The following RTN3 variants were observed in gnomAD, a reference collection of about 807,000 sequenced individuals.
The protein encoded by RTN3 is reticulon 3, also known as reticulon-3.
In RTN3, 49 loss-of-function variants were observed where a neutral mutation model predicts 77.8. The observed-to-expected ratio is 0.63, with a 90% CI of 0.50 to 0.80. RTN3 has a LOEUF of 0.80. Among genes scored for constraint, RTN3 ranks in the 30% least tolerant of loss-of-function variants. RTN3 has a pLI of 0.00. For synonymous variants in RTN3, 464 were observed against 446.9 expected (o/e 1.04, Z -0.48); for missense variants, 1,236 against 1,211.9 (o/e 1.02, Z -0.29).
chr11:63,684,145 T>C (rs1590764970), intron 1 of RTN3, among the ~76,000 whole-genome samples: 1 of 129,984 alleles, frequency 7.7e-6, no homozygotes, highest in Non-Finnish European at 1.7e-5. Context: ...TTTTTTTTTT[T>C]TTTTTTTTTG....
chr11:63,715,882 A>G (rs2011368391), intron 2 of RTN3, among the ~76,000 whole-genome samples: 1 of 152,230 alleles, frequency 6.6e-6, no homozygotes, highest in Non-Finnish European at 1.5e-5. Flanking sequence ...TGTAATCTGT[A>G]GTACTTCACA....
Position 63,719,605 on chromosome 11 carries a change from G to A in RTN3, c.1103G>A (p.Ser368Asn), listed in dbSNP as rs775588798. ...ACAAAAACTACAGGACTTGACATGA[G>A]TGAATATAATTCAGAAATTCCAGTT... Reference protein sequence around the residue: ...CITKTTGLDMSEYNSEIPVVN... With the variant: ...CITKTTGLDMNEYNSEIPVVN... Residue 368 changes from serine (S) to asparagine (N), a missense_variant, in exon 3 of 9, where the codon AGT becomes AAT. By Grantham distance (46) the Ser-to-Asn change is conservative (BLOSUM62 1). Around this residue, in one of 3 missense-constraint regions of RTN3, gnomAD observed 1,056 missense variants for 990.4 expected, o/e 1.07. Transcript: ENST00000377819. 23 of 1,613,928 alleles carry A rather than the reference G, an allele frequency of 1.4e-5. No individual in the cohort carries two copies. Among genetic ancestry groups the A allele is most frequent in the Middle Eastern group, 1.6e-4 (1 of 6,062 alleles).
chr11:63,746,830 A>G (rs2013826239), intron 3 of RTN3: 2 of 380,460 alleles, frequency 5.3e-6, no homozygotes, highest in Non-Finnish European at 5.4e-6. Flanking sequence ...GAAATTTAAC[A>G]GTAATTTAGG....
intron 3 of RTN3, among the ~76,000 whole-genome samples, chr11:63,730,799 CAG>C (rs1442691897): frequency 6.6e-6 from 1 of 152,022 alleles, no homozygotes; most frequent in Non-Finnish European, 1.5e-5. Flanking sequence ...AGCCTGGTGA[CAG>C]AGTGAGACCC....
intron 2 of RTN3, among the ~76,000 whole-genome samples, chr11:63,715,471 A>G (rs1489955568): frequency 1.3e-5 from 2 of 152,126 alleles, no homozygotes; most frequent in Non-Finnish European, 2.9e-5. Flanking sequence ...AGCCTGCGCA[A>G]CGTGGTGAAA....
chr11:63,681,696 C>T lies in RTN3; in HGVS notation c.60C>T (p.Ala20=), dbSNP rs199568088. The T allele has an allele frequency of 1.2e-6, 2 of 1,611,216 alleles. No individual in the cohort carries two copies. The highest frequency in any genetic ancestry group is 2.2e-5 in the East Asian group (1 of 44,784). The change falls in exon 1 of 9, where the codon GCC becomes GCT. Residue 20 remains alanine, a synonymous_variant. Coordinates refer to ENST00000377819, the MANE Select transcript of RTN3 (RefSeq NM_001265589.2). The part of the protein sequence containing the change: ...SHSISSSSFG[A]EPSAPGGGGS... ...CCATCTCCTCGTCGTCCTTCGGAGCCGAGCCGTCCGCGCCCGGCGGCGGCG... is the reference window on the plus strand; with the variant it reads ...CCATCTCCTCGTCGTCCTTCGGAGCTGAGCCGTCCGCGCCCGGCGGCGGCG...
chr11:63,725,741 C>CG (rs2012214608), intron 3 of RTN3, among the ~76,000 whole-genome samples: 1 of 152,170 alleles, frequency 6.6e-6, no homozygotes. Context: ...CATGAGCCAC[C>CG]GCGCCCGGCC....
At chr11:63,713,999 C>G (rs745590925) in intron 2 of RTN3, 1 of 518,694 alleles carries the variant, frequency 1.9e-6, no homozygotes, top group Admixed American at 1.9e-5. Flanking sequence ...GCAGTGACTA[C>G]AAGTGCCATA....
rs2014575592 is a variant in RTN3 at position 63,759,780 on chromosome 11, G to A, written c.*1579G>A. 6.7e-6 allele frequency: 1 copy of A among 149,780 alleles called. No homozygotes were observed. The highest frequency in any genetic ancestry group is 2.5e-5 in the African/African-American group (1 of 40,464). 9.3% of individuals were successfully genotyped at this position (149,780 alleles called of 1,614,324 possible). A position where few individuals can be genotyped will look rare whatever the true frequency, so the allele number is the denominator to read the frequency against. On this transcript the variant is annotated 3_prime_UTR_variant, in exon 9 of 9. Transcript: ENST00000377819. ...AAATTACTAATGAAACTGTGTGTAC[G>A]TGTCTGTGCGTGCAACATAAAAATA...
chr11:63,736,241 G>A (rs962592413), intron 3 of RTN3, among the ~76,000 whole-genome samples: 1 of 152,124 alleles, frequency 6.6e-6, no homozygotes, highest in African/African-American at 2.4e-5. Flanking sequence ...AGCTGCCTGC[G>A]GGTGCTAACC....
In RTN3 at chr11:63,719,268, G is replaced by A. The variant is rs1018569598; in HGVS notation, c.766G>A (p.Ala256Thr). ...ATTTGAAGTAATTATTGACAAAGCA[G>A]CATTTGACAAAGAATTTAAAGACTC... is the stretch of plus-strand genomic sequence containing the variant. ...SPFEVIIDKA[A>T]FDKEFKDSYK... The change falls in exon 3 of 9, where the codon GCA becomes ACA. Residue 256 changes from alanine (A) to threonine (T), a missense_variant. Physicochemically the swap from Ala to Thr is moderately conservative, Grantham distance 58 (BLOSUM62 0). Transcript: ENST00000377819. 1.7e-5 allele frequency: 27 copies of A among 1,613,906 alleles called. No individual in the cohort carries two copies. Among genetic ancestry groups the A allele is most frequent in the East Asian group, 6.7e-5 (3 of 44,900 alleles).
At chr11:63,742,496 T>G (rs2013544678) in intron 3 of RTN3, among the ~76,000 whole-genome samples, 1 of 151,324 alleles carries the variant, frequency 6.6e-6, no homozygotes, top group South Asian at 2.1e-4. Context: ...AAATACAAAA[T>G]TAGCTGGGCA....
intron 3 of RTN3, among the ~76,000 whole-genome samples, chr11:63,746,793 C>T (rs1018261459): frequency 1.3e-5 from 2 of 152,024 alleles, no homozygotes; most frequent in Non-Finnish European, 2.9e-5. Flanking sequence ...GGATTACAGG[C>T]GTGAGCCACC....
chr11:63,692,313 G>A (rs1166150000), intron 1 of RTN3, among the ~76,000 whole-genome samples: 2 of 152,010 alleles, frequency 1.3e-5, no homozygotes, highest in African/African-American at 4.8e-5. Context: ...ATGAGCCACT[G>A]TGCCCAGGTT....
At chr11:63,731,750 T>C (rs2012707793) in intron 3 of RTN3, among the ~76,000 whole-genome samples, 1 of 152,326 alleles carries the variant, frequency 6.6e-6, no homozygotes, top group South Asian at 2.1e-4. Context: ...CCTCCCGGGT[T>C]CAAACGATTC....
chr11:63,744,234 C>T, intron 3 of RTN3, among the ~76,000 whole-genome samples: 1 of 60,768 alleles, frequency 1.6e-5, no homozygotes, highest in Non-Finnish European at 2.7e-5. Context: ...GAGCAAGACT[C>T]TGTCTCAAAA....
chr11:63,752,481 A>T, intron 4 of RTN3, 26 bp from the exon 5 acceptor site: 1 of 1,606,200 alleles, frequency 6.2e-7, no homozygotes, highest in Non-Finnish European at 8.5e-7. Flanking sequence ...TGTCAAATGT[A>T]TGACTGTTAT....
intron 3 of RTN3, among the ~76,000 whole-genome samples, chr11:63,733,282 G>A (rs970262325): frequency 8.5e-5 from 13 of 152,302 alleles, no homozygotes; most frequent in African/African-American, 2.9e-4. Flanking sequence ...GAGGTCAGGA[G>A]ATCGAGACCA....
At position 63,718,704 on chromosome 11, in the gene RTN3, G is replaced by A. The variant is rs1325505857; in HGVS notation, c.202G>A (p.Gly68Arg). The change falls in exon 3 of 9, where the codon GGA becomes AGA. Residue 68 changes from glycine (G) to arginine (R), a missense_variant and splice_region_variant. Gly to Arg is a moderately radical substitution (Grantham distance 125, BLOSUM62 -2). Around this residue, in one of 3 missense-constraint regions of RTN3, gnomAD observed 1,056 missense variants for 990.4 expected, o/e 1.07. Coordinates refer to ENST00000377819, the MANE Select transcript of RTN3 (RefSeq NM_001265589.2). ...TTTCTTTGAAATTCTGATCATAGAG[G>A]GATTGAGCTCTCTTTGCTCTGATGA... ...PVSLFSTSQE[G>R]LSSLCSDEPS... is the part of the protein sequence containing the mutation. 2 of 1,565,522 alleles carry A rather than the reference G, an allele frequency of 1.3e-6. No homozygotes were observed. Among genetic ancestry groups the A allele is most frequent in the Non-Finnish European group, 8.6e-7 (1 of 1,161,726 alleles).
Sources: gnomAD v4.1 joint callset for allele counts (sites outside exome capture counted in the v4.1 genomes callset) on GRCh38, gnomAD v4.1.1 for gene constraint, gnomAD v4.1.1 regional missense constraint, MANE v1.5 for transcripts, NCBI Gene and HGNC (gene_info 2026-07-23, HGNC 2026-07-21) for gene names.